The following EP300 variants were observed in gnomAD, a reference collection of about 807,000 sequenced individuals.
EP300 encodes EP300 lysine acetyltransferase.
Under a neutral mutation model 264.0 loss-of-function variants are expected in EP300, and 31 were observed. The ratio of observed to expected loss-of-function variants is 0.12; its 90% CI spans 0.09 to 0.16. The LOEUF (loss-of-function observed/expected upper bound fraction) is 0.16, where lower values mean the gene tolerates loss of function less well. Among genes scored for constraint, EP300 ranks in the 10% least tolerant of loss-of-function variants. The pLI is 1.00. For missense variants in EP300, 2,766 were observed against 3,052.9 expected (o/e 0.91, Z 2.21); for synonymous variants, 1,340 against 1,045.4 (o/e 1.28, Z -5.44).
In EP300 at chr22:41,144,386, G is replaced by C. The variant is rs148868085; in HGVS notation, c.2054-2353G>C. ...TATATACATTTTTGAGATGGGGTCT[G>C]TTTCGCCCAGCCTGGAGTGCAGTGG... On this transcript the variant is annotated intron_variant, in intron 10 of 30. Transcript: ENST00000263253. Among the ~76,000 whole-genome samples the C allele has an allele frequency of 5.4e-3, 820 of 152,122 alleles. 5 individuals are homozygous for C. Among genetic ancestry groups the C allele is most frequent in the African/African-American group, 0.019 (770 of 41,496 alleles).
chr22:41,100,353 A>G (rs2058724645), intron 1 of EP300, among the ~76,000 whole-genome samples: 1 of 152,228 alleles, frequency 6.6e-6, no homozygotes, highest in Admixed American at 6.5e-5. Context: ...GTATAGATAG[A>G]CTGGATAAAG....
intron 1 of EP300, among the ~76,000 whole-genome samples, chr22:41,103,260 GTTC>G (rs1418459275): frequency 2.6e-5 from 4 of 152,302 alleles, no homozygotes; most frequent in African/African-American, 9.6e-5. Context: ...GAAGTTGGTG[GTTC>G]TTCTGAGTTG....
rs1048248944 is a variant in EP300 at position 41,179,068 on chromosome 22, G to C, written c.*112G>C. On this transcript the variant is annotated 3_prime_UTR_variant, in exon 31 of 31. Transcript: ENST00000263253. ...GTAGCCTAAAAGACAATTTTCCTTG[G>C]AACACATAAGAACTGTGCAGTAGCC... 1.6e-6 allele frequency: 2 copies of C among 1,262,176 alleles called. No homozygotes were observed. The highest frequency in any genetic ancestry group is 2.2e-6 in the Non-Finnish European group (2 of 901,488). 78.2% of individuals were successfully genotyped at this position (1,262,176 alleles called of 1,614,324 possible).
chr22:41,140,999 T>C, intron 9 of EP300, 49 bp from the exon 10 acceptor site: 3 of 1,553,116 alleles, frequency 1.9e-6, no homozygotes, highest in Non-Finnish European at 2.7e-6. Flanking sequence ...TACCTGGTGG[T>C]AGTTCCTTTT....
At chr22:41,096,955 G>C (rs2058705992) in intron 1 of EP300, among the ~76,000 whole-genome samples, 1 of 152,030 alleles carries the variant, frequency 6.6e-6, no homozygotes, top group African/African-American at 2.4e-5. Flanking sequence ...TTGTGTTAGT[G>C]GTTCGTCATC....
chr22:41,165,411 C>A (rs999629671), intron 22 of EP300, among the ~76,000 whole-genome samples: 39 of 152,266 alleles, frequency 2.6e-4, no homozygotes, highest in Admixed American at 2.3e-3. Context: ...TTTGTACATA[C>A]AATCATACAT....
Position 41,176,874 on chromosome 22 carries a change from T to C in EP300, c.5163T>C (p.Ala1721=), listed in dbSNP as rs2059203720. 6.2e-7 allele frequency: 1 copy of C among 1,614,008 alleles called. No homozygotes were observed. The highest frequency in any genetic ancestry group is 1.3e-5 in the African/African-American group (1 of 74,916). ...GLDDESNNQQ[A]AATQSPGDSR... is the part of the protein sequence containing the mutation. ...ATGATGAGAGCAACAACCAGCAGGCTGCAGCCACCCAGAGCCCAGGCGATT... is the reference window on the plus strand; with the variant it reads ...ATGATGAGAGCAACAACCAGCAGGCCGCAGCCACCCAGAGCCCAGGCGATT... Residue 1721 remains alanine (A), a synonymous_variant, in exon 31 of 31, where the codon GCT becomes GCC. Coordinates refer to ENST00000263253, the MANE Select transcript of EP300 (RefSeq NM_001429.4).
rs79659175 is a variant in EP300, at chr22:41,129,855, C to T, written c.1169-35C>T. 6 of 1,536,494 alleles carry T rather than the reference C, an allele frequency of 3.9e-6. No homozygotes were observed. In the East Asian group the frequency reaches 9.0e-5, roughly 23 times the overall value. ...GCTATTATTAATGTAAAAACATTAACCTGCTCTTGAAAAAATATGTTTTCT... is the reference window on the plus strand; with the variant it reads ...GCTATTATTAATGTAAAAACATTAATCTGCTCTTGAAAAAATATGTTTTCT... On this transcript the variant is annotated intron_variant, in intron 4 of 30. Transcript: ENST00000263253.
At chr22:41,128,077 G>A (rs1400548263) in intron 4 of EP300, among the ~76,000 whole-genome samples, 1 of 152,126 alleles carries the variant, frequency 6.6e-6, no homozygotes, top group Non-Finnish European at 1.5e-5. Flanking sequence ...GAGGAAGGAG[G>A]ATTGCTTGAG....
chr22:41,173,870 G>C, intron 29 of EP300, 86 bp downstream of exon 29: 1 of 1,538,594 alleles, frequency 6.5e-7, no homozygotes, highest in Non-Finnish European at 9.0e-7. Context: ...CCAGCACTTT[G>C]GGAGGCCAAG....
At chr22:41,101,387 T>G (rs1569082137) in intron 1 of EP300, among the ~76,000 whole-genome samples, 1 of 151,610 alleles carries the variant, frequency 6.6e-6, no homozygotes, top group South Asian at 2.1e-4. Context: ...GCATAATTTT[T>G]TCTATTTTTC....
intron 9 of EP300, 88 bp downstream of exon 9, chr22:41,140,345 A>G (rs2145725143): frequency 2.2e-6 from 2 of 908,612 alleles, no homozygotes; most frequent in South Asian, 1.3e-5. Flanking sequence ...AGTAGTACAT[A>G]TGCTTCAGAC....
chr22:41,174,378 T>TA (rs2059188041), intron 29 of EP300, among the ~76,000 whole-genome samples: 1 of 152,146 alleles, frequency 6.6e-6, no homozygotes, highest in African/African-American at 2.4e-5. Flanking sequence ...GCAGTGCACT[T>TA]ACAGCCTGGG....
chr22:41,111,064 C>G (rs1237000282), intron 1 of EP300, among the ~76,000 whole-genome samples: 2 of 151,652 alleles, frequency 1.3e-5, no homozygotes, highest in Non-Finnish European at 2.9e-5. Flanking sequence ...CTCCTGGATG[C>G]AAGCGATTCT....
intron 6 of EP300, among the ~76,000 whole-genome samples, chr22:41,133,148 A>G: frequency 1.2e-5 from 1 of 86,730 alleles, no homozygotes; most frequent in Non-Finnish European, 2.7e-5. Context: ...CTGGCCTAAG[A>G]TTATCCCCCC....
chr22:41,106,286 T>G (rs1250498562), intron 1 of EP300, among the ~76,000 whole-genome samples: 1 of 152,256 alleles, frequency 6.6e-6, no homozygotes, highest in Non-Finnish European at 1.5e-5. Context: ...CTTTGTAAGA[T>G]TGGTAGTTTC....
intron 21 of EP300, among the ~76,000 whole-genome samples, chr22:41,163,661 C>T (rs556120249): frequency 1.3e-4 from 19 of 151,184 alleles, no homozygotes; most frequent in South Asian, 4.2e-4. Flanking sequence ...GCAGGAGAAT[C>T]GCTGGAACCC....
chr22:41,148,793 C>T (rs1601618671), intron 12 of EP300: 3 of 554,756 alleles, frequency 5.4e-6, no homozygotes, highest in Non-Finnish European at 9.6e-6. Flanking sequence ...ATGTGTGTTC[C>T]ATCCTCTTAC....
intron 2 of EP300, 74 bp downstream of exon 2, chr22:41,117,895 T>C: frequency 1.2e-6 from 2 of 1,603,696 alleles, no homozygotes; most frequent in East Asian, 2.2e-5. Flanking sequence ...AGGGTTTGCC[T>C]TACATTGTAT....
Sources: allele counts gnomAD v4.1 joint callset (sites outside exome capture counted in the v4.1 genomes callset), GRCh38; gene constraint gnomAD v4.1.1; transcripts MANE v1.5; gene names NCBI Gene and HGNC (gene_info 2026-07-23, HGNC 2026-07-21).